Variants in LHFPL1 observed in about 807,000 individuals in gnomAD.
LHFPL1 encodes LHFPL tetraspan subfamily member 1 protein.
LHFPL1 carries 4 observed loss-of-function variants against 12.1 expected under a neutral mutation model. The observed-to-expected ratio is 0.33, with a 90% CI of 0.16 to 0.76. The LOEUF (loss-of-function observed/expected upper bound fraction) is 0.76, where lower values mean the gene tolerates loss of function less well. LHFPL1 is among the 30% of genes least tolerant of loss of function. The probability of loss-of-function intolerance (pLI) is 0.61; values close to 1 mark genes in which losing one functional copy is unlikely to be tolerated. For synonymous variants in LHFPL1, 52 were observed against 61.9 expected, an observed-to-expected ratio of 0.84 and a Z score of 0.75; for missense variants, 141 against 174.1, an observed-to-expected ratio of 0.81 and a Z score of 1.07.
In LHFPL1 at chrX:112,641,106, C is replaced by T. The variant is rs759197602; in HGVS notation, c.482-9505G>A. Among the ~76,000 whole-genome samples, 4 of 111,267 alleles carry T rather than the reference C, an allele frequency of 3.6e-5. No homozygotes were observed. The South Asian group carries it at 1.5e-3, about 43-fold the overall frequency. On this transcript the variant is annotated intron_variant, in intron 3 of 3. Coordinates refer to ENST00000371968, the MANE Select transcript of LHFPL1 (RefSeq NM_178175.4). ...TTAAATTAGCCCCATACCAGCAATG[C>T]CAGCTTTGAACATTAGCTATTTCCA...
chrX:112,643,308 G>A (rs1352190521), intron 3 of LHFPL1, among the ~76,000 whole-genome samples: 1 of 101,980 alleles, frequency 9.8e-6, no homozygotes, highest in Non-Finnish European at 2.0e-5. Context: ...GAGCCTGGGG[G>A]TCAGAGGCTG....
chrX:112,664,966 C>T (rs1260432847), intron 2 of LHFPL1, among the ~76,000 whole-genome samples: 1 of 111,557 alleles, frequency 9.0e-6, no homozygotes, highest in Non-Finnish European at 1.9e-5. Context: ...TAAAAGCACC[C>T]TGTAATGTGG....
Position 112,671,352 on chromosome X carries a change from G to T in LHFPL1, c.39C>A (p.Ala13=). The change falls in exon 2 of 4, where the codon GCC becomes GCA. Residue 13 remains alanine, a synonymous_variant. Transcript: ENST00000371968. ...TCACAGCAGTAACAAGGGACAGGAA[G>T]GCCCAGAGGGTTCCCACCATGGTCA... ...SSLTMVGTLW[A]FLSLVTAVTS... 1 of 1,211,763 alleles carries T rather than the reference G, an allele frequency of 8.3e-7. No individual in the cohort carries two copies. The highest frequency in any genetic ancestry group is 2.2e-5 in the Admixed American group (1 of 46,040).
intron 2 of LHFPL1, among the ~76,000 whole-genome samples, chrX:112,667,557 T>C (rs1466172911): frequency 1.8e-5 from 2 of 112,746 alleles, no homozygotes; most frequent in African/African-American, 6.5e-5. Context: ...TTATGTGTAC[T>C]ACTCACCTAT....
intron 3 of LHFPL1, among the ~76,000 whole-genome samples, chrX:112,646,773 C>T (rs1446008144): frequency 9.0e-6 from 1 of 110,731 alleles, no homozygotes; most frequent in Non-Finnish European, 1.9e-5. Context: ...AGACAGGATG[C>T]ATCACTAGGT....
rs750489292 is a variant in LHFPL1, at chrX:112,635,245, A to G, written c.482-3644T>C. On this transcript the variant is annotated intron_variant, in intron 3 of 3. Transcript: ENST00000371968. ...TTCATCTGACAAACATGTATTGAGTACCGACTATATGCTAGGCATTTTTAA... is the reference window on the plus strand; with the variant it reads ...TTCATCTGACAAACATGTATTGAGTGCCGACTATATGCTAGGCATTTTTAA... Among the ~76,000 whole-genome samples, 8 of 112,697 alleles carry G rather than the reference A, an allele frequency of 7.1e-5. No homozygotes were observed. The South Asian group carries it at 2.9e-3, about 41-fold the overall frequency.
intron 2 of LHFPL1, among the ~76,000 whole-genome samples, chrX:112,662,563 T>C (rs2147721960): frequency 8.9e-6 from 1 of 112,104 alleles, no homozygotes; most frequent in Non-Finnish European, 1.9e-5. Flanking sequence ...AATAAGAAAA[T>C]AGGGAGAATT....
At chrX:112,646,877 C>T (rs1194406070) in intron 3 of LHFPL1, among the ~76,000 whole-genome samples, 1 of 111,169 alleles carries the variant, frequency 9.0e-6, no homozygotes, top group Non-Finnish European at 1.9e-5. Context: ...CAAGACATAC[C>T]CTCACCAATG....
chrX:112,634,057 G>A (rs1930267041), intron 3 of LHFPL1, among the ~76,000 whole-genome samples: 1 of 111,677 alleles, frequency 9.0e-6, no homozygotes, highest in Non-Finnish European at 1.9e-5. Context: ...TCCAGAGACT[G>A]GAAAACCTTC....
chrX:112,646,805 A>G (rs954131219), intron 3 of LHFPL1, among the ~76,000 whole-genome samples: 5 of 111,253 alleles, frequency 4.5e-5, no homozygotes, highest in Non-Finnish European at 9.4e-5. Context: ...TGTTTCAGAC[A>G]TTTGTTTCTG....
At chrX:112,660,222 G>T (rs1486202859) in intron 3 of LHFPL1, among the ~76,000 whole-genome samples, 1 of 112,072 alleles carries the variant, frequency 8.9e-6, no homozygotes, top group Non-Finnish European at 1.9e-5. Context: ...TCATGCTTCA[G>T]GTAAACTAAA....
chrX:112,671,592 G>A (rs766143951), intron 1 of LHFPL1, 188 bp from the exon 2 acceptor site: 1 of 966,077 alleles, frequency 1.0e-6, no homozygotes, highest in African/African-American at 2.0e-5. Context: ...TTGCTTTTCA[G>A]TACTTTTCCC....
chrX:112,639,657 C>T (rs1024416362), intron 3 of LHFPL1, among the ~76,000 whole-genome samples: 8 of 112,247 alleles, frequency 7.1e-5, no homozygotes, highest in South Asian at 3.7e-4. Flanking sequence ...CATTAGCTTC[C>T]GACCTTTCCT....
intron 1 of LHFPL1, among the ~76,000 whole-genome samples, chrX:112,676,926 T>C (rs1056925596): frequency 6.2e-5 from 7 of 112,148 alleles, no homozygotes; most frequent in Non-Finnish European, 5.6e-5. Flanking sequence ...TCAACTCAGA[T>C]TGCTAGCAGG....
chrX:112,654,147 C>T (rs1009903554), intron 3 of LHFPL1, among the ~76,000 whole-genome samples: 9 of 112,077 alleles, frequency 8.0e-5, no homozygotes, highest in African/African-American at 2.6e-4. Context: ...TACAGATAAA[C>T]TAGTATGCTA....
At chrX:112,676,696 C>G (rs750660015) in intron 1 of LHFPL1, among the ~76,000 whole-genome samples, 4 of 112,192 alleles carry the variant, frequency 3.6e-5, no homozygotes, top group Non-Finnish European at 5.6e-5. Context: ...CCCACCTAAA[C>G]CATACATGGC....
chrX:112,662,051 G>A (rs1218135034), intron 2 of LHFPL1, among the ~76,000 whole-genome samples: 1 of 112,561 alleles, frequency 8.9e-6, no homozygotes, highest in Non-Finnish European at 1.9e-5. Context: ...AGGCCTTCCT[G>A]ATGGCTTTCC....
intron 2 of LHFPL1, among the ~76,000 whole-genome samples, chrX:112,666,384 A>G (rs2066737788): frequency 9.0e-6 from 1 of 111,367 alleles, no homozygotes; most frequent in Non-Finnish European, 1.9e-5. Flanking sequence ...AGATGTCAAA[A>G]GTAGATCAGG....
At chrX:112,673,535 C>A (rs763081818) in intron 1 of LHFPL1, among the ~76,000 whole-genome samples, 4 of 111,648 alleles carry the variant, frequency 3.6e-5, no homozygotes, top group Non-Finnish European at 7.5e-5. Flanking sequence ...GCAGCCCAGG[C>A]CAGAGGAGGA....
Sources: allele counts gnomAD v4.1 joint callset (sites outside exome capture counted in the v4.1 genomes callset), GRCh38; gene constraint gnomAD v4.1.1; transcripts MANE v1.5; gene names NCBI Gene and HGNC (gene_info 2026-07-23, HGNC 2026-07-21).